Variants in SH2D3C observed in about 807,000 individuals in gnomAD.
SH2D3C encodes SH2 domain containing 3C.
SH2D3C carries 25 observed loss-of-function variants against 75.2 expected under a neutral mutation model. The observed-to-expected ratio is 0.33, with a 90% CI of 0.24 to 0.46. The LOEUF is 0.46. Ranked by LOEUF, SH2D3C falls within the 20% of genes least tolerant of loss-of-function variation. The pLI is 1.00. For synonymous variants in SH2D3C, 450 were observed against 473.7 expected, an observed-to-expected ratio of 0.95 and a Z score of 0.65; for missense variants, 933 against 1,165.3, an observed-to-expected ratio of 0.80 and a Z score of 2.90.
intron 3 of SH2D3C, among the ~76,000 whole-genome samples, chr9:127,753,421 G>A (rs1845260297): frequency 6.6e-6 from 1 of 152,176 alleles, no homozygotes; most frequent in Non-Finnish European, 1.5e-5. Flanking sequence ...ATGAAAATTT[G>A]GACCTTGAGG....
chr9:127,778,290 CAA>C (rs112260508), intron 1 of SH2D3C, among the ~76,000 whole-genome samples: 22 of 92,018 alleles, frequency 2.4e-4, no homozygotes, highest in Non-Finnish European at 2.2e-4. Context: ...TGCACCTGGC[CAA>C]AAAAAAAAAA....
chr9:127,754,333 G>C lies in SH2D3C; in HGVS notation c.556-3033C>G, dbSNP rs1044467992. Among the ~76,000 whole-genome samples, 2 of 152,078 alleles carry C rather than the reference G, an allele frequency of 1.3e-5. No homozygotes were observed. The highest frequency in any genetic ancestry group is 6.5e-5 in the Admixed American group (1 of 15,288). ...CCTGGCATCTCCCAGGGGGCTCAGG[G>C]GGCAGGAGCGCGGAGACCCCCGGAC... On this transcript the variant is annotated intron_variant, in intron 3 of 11. Transcript: ENST00000314830. This position sits in a 1 kb window ranked among gnomAD's most constrained non-coding sequence, Gnocchi z 4.4.
intron 2 of SH2D3C, chr9:127,767,015 GC>G (rs1164057619): frequency 6.5e-7 from 1 of 1,536,144 alleles, no homozygotes; most frequent in East Asian, 2.4e-5. Context: ...CAGCCATGGG[GC>G]CTGTGGGATT....
intron 8 of SH2D3C, 26 bp downstream of exon 8, chr9:127,742,823 G>A (rs1281277937): frequency 6.4e-7 from 1 of 1,572,544 alleles, no homozygotes; most frequent in Non-Finnish European, 8.7e-7. Context: ...TTCCCCGCGA[G>A]TCCCCGGGTG....
chr9:127,774,737 T>C lies in SH2D3C; in HGVS notation c.38-270A>G, dbSNP rs913474858. Among the ~76,000 whole-genome samples, 1 of 152,140 alleles carries C rather than the reference T, an allele frequency of 6.6e-6. No individual in the cohort carries two copies. On this transcript the variant is annotated intron_variant, in intron 1 of 11. Coordinates refer to ENST00000314830, the MANE Select transcript of SH2D3C (RefSeq NM_170600.3). The surrounding 1 kb of genome is among the most constrained non-coding windows in gnomAD (Gnocchi z 4.3). ...TTGACCTCTCTAAGCTTAGCCTCAT[T>C]CTCCACATCAGTAAAATAGAGATTC...
At chr9:127,746,172 G>C (rs1178718821) in intron 6 of SH2D3C, among the ~76,000 whole-genome samples, 1 of 152,146 alleles carries the variant, frequency 6.6e-6, no homozygotes, top group Non-Finnish European at 1.5e-5. Flanking sequence ...TTTATACTCA[G>C]GGTATTGCTT....
At chr9:127,771,621 C>A (rs1178462009) in intron 2 of SH2D3C, among the ~76,000 whole-genome samples, 1 of 152,214 alleles carries the variant, frequency 6.6e-6, no homozygotes, top group African/African-American at 2.4e-5. Context: ...CTCCGCCTCG[C>A]CTCGCCCCAC....
intron 9 of SH2D3C, 87 bp from the exon 10 acceptor site, chr9:127,740,456 G>T: frequency 1.2e-6 from 1 of 845,338 alleles, no homozygotes; most frequent in South Asian, 1.4e-5. Context: ...ACCCAGATGT[G>T]GGATCGTTAT....
At chr9:127,743,654 C>A (rs1844933379) in intron 7 of SH2D3C, among the ~76,000 whole-genome samples, 1 of 152,218 alleles carries the variant, frequency 6.6e-6, no homozygotes, top group Admixed American at 6.5e-5. Flanking sequence ...TCCCTGCCAC[C>A]CTGGACTCTT....
chr9:127,740,482 C>T, intron 9 of SH2D3C, 113 bp from the exon 10 acceptor site: 1 of 674,776 alleles, frequency 1.5e-6, no homozygotes, highest in Non-Finnish European at 2.6e-6. Flanking sequence ...TTATGGCCAT[C>T]CTTCATGTAC....
chr9:127,774,317 C>T lies in SH2D3C; in HGVS notation c.188G>A (p.Ser63Asn), dbSNP rs758473365. 2 of 1,613,998 alleles carry T rather than the reference C, an allele frequency of 1.2e-6. No individual in the cohort carries two copies. The highest frequency in any genetic ancestry group is 1.7e-6 in the Non-Finnish European group (2 of 1,180,010). The change falls in exon 2 of 12, where the codon AGT becomes AAT. Residue 63 changes from serine (S) to asparagine (N), a missense_variant. Physicochemically the swap from Ser to Asn is conservative, Grantham distance 46. Transcript: ENST00000314830. This position sits in a 1 kb window ranked among gnomAD's most constrained non-coding sequence, Gnocchi z 4.3. ...TQDDMVTVPK[S>N]PPAYARSSDM... ...ACTGGAGCGGGCATAGGCTGGGGGACTCTTGGGCACCGTCACCATGTCATC... is the reference window on the plus strand; with the variant it reads ...ACTGGAGCGGGCATAGGCTGGGGGATTCTTGGGCACCGTCACCATGTCATC...
chr9:127,743,029 A>C, intron 7 of SH2D3C, 65 bp from the exon 8 acceptor site: 2 of 1,240,604 alleles, frequency 1.6e-6, no homozygotes, highest in Non-Finnish European at 2.3e-6. Context: ...TCTGGGAGTC[A>C]GAGAGCTTTA....
In SH2D3C at chr9:127,757,055, G is replaced by T. The variant is rs181442379; in HGVS notation, c.555+4556C>A. ...AGCAATTCTCCTGCCTCAGCTTCCCGAGTAGCTGGGATTACAAGTGACAAG... is the reference window on the plus strand; with the variant it reads ...AGCAATTCTCCTGCCTCAGCTTCCCTAGTAGCTGGGATTACAAGTGACAAG... On this transcript the variant is annotated intron_variant, in intron 3 of 11. Transcript: ENST00000314830. Among the ~76,000 whole-genome samples, 304 of 150,938 alleles carry T rather than the reference G, an allele frequency of 2.0e-3. 3 individuals carry two copies. The highest frequency in any genetic ancestry group is 7.1e-3 in the African/African-American group (290 of 41,082).
rs377560646 is a variant in SH2D3C at position 127,767,115 on chromosome 9, C to A, written c.516-5465G>T. The stretch of plus-strand genomic sequence containing the variant: ...CCAGCACATTCTGCTCCCTCTCCAC[C>A]GTCTGGAGCCCTCAGTTTTCCTGAG... On this transcript the variant is annotated intron_variant, in intron 2 of 11. Coordinates refer to ENST00000314830, the MANE Select transcript of SH2D3C (RefSeq NM_170600.3). 10 of 1,535,928 alleles carry A rather than the reference C, an allele frequency of 6.5e-6. No homozygotes were observed. In the Admixed American group the frequency reaches 2.0e-4, roughly 30 times the overall value.
chr9:127,767,268 A>C (rs1393542987), intron 2 of SH2D3C: 4 of 1,453,224 alleles, frequency 2.8e-6, no homozygotes, highest in Admixed American at 5.3e-5. Context: ...CCAAGTCTCA[A>C]AACCTGCCAA....
chr9:127,742,997 C>A (rs1398560386), intron 7 of SH2D3C, 33 bp from the exon 8 acceptor site: 2 of 1,531,438 alleles, frequency 1.3e-6, no homozygotes, highest in East Asian at 2.3e-5. Flanking sequence ...GATTAATATC[C>A]TGTCAGGGCT....
At position 127,739,442 on chromosome 9, in the gene SH2D3C, G is replaced by A. The variant is rs1014660779; in HGVS notation, c.2407+240C>T. ...GGAGAATCGCTTGAACTTGGGAGGC[G>A]GAGGTTGCAGTGAGCCGAGACTGTG... On this transcript the variant is annotated intron_variant, in intron 11 of 11. Coordinates refer to ENST00000314830, the MANE Select transcript of SH2D3C (RefSeq NM_170600.3). The surrounding 1 kb of genome is among the most constrained non-coding windows in gnomAD (Gnocchi z 4.3). 5.3e-5 allele frequency among the ~76,000 whole-genome samples: 8 copies of A among 152,050 alleles called. No homozygotes were observed. The highest frequency in any genetic ancestry group is 1.4e-4 in the African/African-American group (6 of 41,412).
chr9:127,756,623 C>T (rs539766687), intron 3 of SH2D3C, among the ~76,000 whole-genome samples: 5 of 146,926 alleles, frequency 3.4e-5, no homozygotes, highest in Admixed American at 1.4e-4. Context: ...AGATGAGTAT[C>T]TCAAGGTAGG....
intron 7 of SH2D3C, among the ~76,000 whole-genome samples, chr9:127,743,220 C>T (rs1844919260): frequency 6.6e-6 from 1 of 151,964 alleles, no homozygotes; most frequent in Non-Finnish European, 1.5e-5. Context: ...CAGTTACGGT[C>T]GGCCGGGCGG....
Sources: allele counts gnomAD v4.1 joint callset (sites outside exome capture counted in the v4.1 genomes callset), GRCh38; gene constraint gnomAD v4.1.1; non-coding constraint Gnocchi (gnomAD v3.1); transcripts MANE v1.5; gene names NCBI Gene and HGNC (gene_info 2026-07-23, HGNC 2026-07-21).